DLGAP1: variants seen among roughly 807,000 people sequenced by gnomAD.
The protein encoded by DLGAP1 is disks large-associated protein 1.
Under a neutral mutation model 90.8 loss-of-function variants are expected in DLGAP1, and 11 were observed. The observed-to-expected ratio is 0.12, with a 90% CI of 0.08 to 0.20. The LOEUF (loss-of-function observed/expected upper bound fraction) is 0.20. DLGAP1 is among the 10% of genes least tolerant of loss of function. The probability of loss-of-function intolerance (pLI) is 1.00; values close to 1 mark genes in which losing one functional copy is unlikely to be tolerated. For missense variants in DLGAP1, 1,050 were observed against 1,333.8 expected, an observed-to-expected ratio of 0.79 and a Z score of 3.31; for synonymous variants, 558 against 540.7, an observed-to-expected ratio of 1.03 and a Z score of -0.44.
intron 7 of DLGAP1, among the ~76,000 whole-genome samples, chr18:3,670,645 A>G (rs1402711749): frequency 6.6e-6 from 1 of 152,240 alleles, no homozygotes. Flanking sequence ...TTTGTTTTCT[A>G]CAGATGCAAT....
At position 4,173,878 on chromosome 18, in the gene DLGAP1, C is replaced by T. The variant is rs974958247; in HGVS notation, c.-266-22591G>A. Among the ~76,000 whole-genome samples, 5 of 152,146 alleles carry T rather than the reference C, an allele frequency of 3.3e-5. No individual in the cohort carries two copies. The East Asian group carries it at 5.8e-4, about 18-fold the overall frequency. ...TCCTCCTTTGACCCATTATTGCACCCGGTTGGATCCACTCATGGTTTCTAC... is the reference window on the plus strand; with the variant it reads ...TCCTCCTTTGACCCATTATTGCACCTGGTTGGATCCACTCATGGTTTCTAC... On this transcript the variant is annotated intron_variant, in intron 1 of 12. Transcript: ENST00000315677.
intron 3 of DLGAP1, among the ~76,000 whole-genome samples, chr18:3,960,353 C>T (rs1029000408): frequency 6.6e-6 from 1 of 151,986 alleles, no homozygotes; most frequent in African/African-American, 2.4e-5. Context: ...TCGGGGAAGC[C>T]AGCGGTTCCC....
chr18:3,826,034 C>A (rs1053395704), intron 4 of DLGAP1, among the ~76,000 whole-genome samples: 1 of 152,124 alleles, frequency 6.6e-6, no homozygotes, highest in Admixed American at 6.5e-5. Flanking sequence ...AACGGAAAAC[C>A]AAATACTGCC....
At chr18:3,894,733 T>A (rs948945100) in intron 3 of DLGAP1, 1 of 152,360 alleles carries the variant, frequency 6.6e-6, no homozygotes, top group African/African-American at 2.4e-5. Context: ...TTGCATGTCA[T>A]CCTTGTGCAG....
intron 1 of DLGAP1, among the ~76,000 whole-genome samples, chr18:4,311,713 C>G (rs2143462076): frequency 6.6e-6 from 1 of 152,164 alleles, no homozygotes; most frequent in Non-Finnish European, 1.5e-5. Context: ...CCAATGCCAA[C>G]TAAATATATA....
In DLGAP1 at chr18:4,415,373, A is replaced by T. The variant is rs566886756; in HGVS notation, c.-267+39633T>A. On this transcript the variant is annotated intron_variant, in intron 1 of 12. Coordinates refer to ENST00000315677, the MANE Select transcript of DLGAP1 (RefSeq NM_004746.4). ...CAATGTTTATAAAATAAAAGCTACA[A>T]AAATATTGTGGTGTTTGTAATATTA... Among the ~76,000 whole-genome samples the T allele has an allele frequency of 6.1e-4, 93 of 152,276 alleles. 1 individual carries two copies. The highest frequency in any genetic ancestry group is 2.2e-3 in the African/African-American group (90 of 41,560).
intron 7 of DLGAP1, among the ~76,000 whole-genome samples, chr18:3,663,449 A>G (rs1242747438): frequency 1.3e-5 from 2 of 152,228 alleles, no homozygotes; most frequent in Non-Finnish European, 2.9e-5. Context: ...GAGAAGTGGC[A>G]TCTTCGTTAT....
At chr18:4,058,932 G>A (rs1568373845) in intron 2 of DLGAP1, among the ~76,000 whole-genome samples, 1 of 152,194 alleles carries the variant, frequency 6.6e-6, no homozygotes, top group Non-Finnish European at 1.5e-5. Flanking sequence ...GTCACCATAA[G>A]GTCATGGAGA....
At chr18:3,506,707 C>G (rs1253169587) in intron 11 of DLGAP1, among the ~76,000 whole-genome samples, 1 of 152,082 alleles carries the variant, frequency 6.6e-6, no homozygotes, top group African/African-American at 2.4e-5. Context: ...GTATCGTGTA[C>G]ACATGGACTT....
At chr18:4,338,434 G>A (rs545984058) in intron 1 of DLGAP1, among the ~76,000 whole-genome samples, 1 of 152,074 alleles carries the variant, frequency 6.6e-6, no homozygotes, top group Non-Finnish European at 1.5e-5. Flanking sequence ...ATTTTCAAAG[G>A]CCTTTTATTA....
At chr18:4,158,361 G>GCTTTT (rs2144483417) in intron 1 of DLGAP1, among the ~76,000 whole-genome samples, 1 of 152,294 alleles carries the variant, frequency 6.6e-6, no homozygotes, top group East Asian at 1.9e-4. Context: ...AGGAAGGACA[G>GCTTTT]TTTTATACAT....
At chr18:3,682,823 T>C (rs773404222) in intron 7 of DLGAP1, among the ~76,000 whole-genome samples, 4 of 152,060 alleles carry the variant, frequency 2.6e-5, no homozygotes, top group Admixed American at 1.3e-4. Flanking sequence ...ATTTGATTGA[T>C]TGAAGACTAG....
intron 5 of DLGAP1, among the ~76,000 whole-genome samples, chr18:3,764,169 A>G (rs2064108220): frequency 6.6e-6 from 1 of 152,234 alleles, no homozygotes; most frequent in Admixed American, 6.5e-5. Flanking sequence ...AAGTATTATT[A>G]TACCTATTTT....
At chr18:3,798,562 T>C (rs1345467033) in intron 5 of DLGAP1, among the ~76,000 whole-genome samples, 1 of 152,220 alleles carries the variant, frequency 6.6e-6, no homozygotes, top group Non-Finnish European at 1.5e-5. Context: ...AAGAGCCTCA[T>C]GGGACTTGGC....
chr18:4,230,087 T>TA (rs1367265869), intron 1 of DLGAP1, among the ~76,000 whole-genome samples: 2 of 152,100 alleles, frequency 1.3e-5, no homozygotes, highest in Non-Finnish European at 2.9e-5. Context: ...TACAATGCTA[T>TA]AGCACCCCAG....
intron 1 of DLGAP1, among the ~76,000 whole-genome samples, chr18:4,402,051 C>T (rs1236466719): frequency 6.6e-6 from 1 of 152,172 alleles, no homozygotes; most frequent in Non-Finnish European, 1.5e-5. Flanking sequence ...GCCAGGGTTC[C>T]TTGAGAGAAA....
intron 3 of DLGAP1, among the ~76,000 whole-genome samples, chr18:3,936,603 T>G (rs1778093924): frequency 6.6e-6 from 1 of 152,226 alleles, no homozygotes; most frequent in African/African-American, 2.4e-5. Context: ...TCTATTAGAT[T>G]GTGAATACCT....
intron 2 of DLGAP1, among the ~76,000 whole-genome samples, chr18:4,109,159 G>A (rs2075924599): frequency 8.4e-6 from 1 of 118,592 alleles, no homozygotes; most frequent in African/African-American, 3.4e-5. Context: ...GGTGCCATCC[G>A]CAACTGGCAC....
chr18:3,700,308 T>C (rs2061238225), intron 7 of DLGAP1, among the ~76,000 whole-genome samples: 3 of 152,152 alleles, frequency 2.0e-5, no homozygotes, highest in Non-Finnish European at 4.4e-5. Context: ...GGGAAAAGCA[T>C]AGTATCTGAG....
Sources: allele counts gnomAD v4.1 joint callset (sites outside exome capture counted in the v4.1 genomes callset), GRCh38; gene constraint gnomAD v4.1.1; transcripts MANE v1.5; gene names NCBI Gene and HGNC (gene_info 2026-07-23, HGNC 2026-07-21).